SLC4A10: variants seen among roughly 807,000 people sequenced by gnomAD.
SLC4A10 encodes the protein solute carrier family 4 member 10.
A neutral mutation model predicts 137.7 loss-of-function variants in SLC4A10; 42 were observed. The ratio of observed to expected loss-of-function variants is 0.30; its 90% confidence interval spans 0.24 to 0.39. The LOEUF is 0.39. Ranked by LOEUF, SLC4A10 falls within the 10% of genes least tolerant of loss-of-function variation. The pLI is 1.00. For synonymous variants in SLC4A10, 474 were observed against 464.1 expected (o/e 1.02, Z -0.27); for missense variants, 925 against 1,355.0 (o/e 0.68, Z 4.98).
chr2:161,908,349 C>T (rs1684945920), intron 15 of SLC4A10, among the ~76,000 whole-genome samples: 1 of 147,280 alleles, frequency 6.8e-6, no homozygotes, highest in Non-Finnish European at 1.5e-5. Flanking sequence ...AAAAACCAAA[C>T]ACCGCATGTT....
chr2:161,800,757 G>C (rs2055292655), intron 2 of SLC4A10, among the ~76,000 whole-genome samples: 2 of 152,056 alleles, frequency 1.3e-5, no homozygotes, highest in Admixed American at 1.3e-4. Flanking sequence ...AGTATGTAGT[G>C]AGTAATGTCG....
chr2:161,827,822 C>T (rs2058122377), intron 3 of SLC4A10, among the ~76,000 whole-genome samples: 1 of 152,184 alleles, frequency 6.6e-6, no homozygotes, highest in African/African-American at 2.4e-5. Context: ...TTCTCGGCCT[C>T]CCAAAGTGCT....
chr2:161,702,794 A>G (rs1574452147), intron 1 of SLC4A10, among the ~76,000 whole-genome samples: 1 of 151,950 alleles, frequency 6.6e-6, no homozygotes, highest in East Asian at 1.9e-4. Flanking sequence ...TTGCCTTACA[A>G]TCCTAAGTAT....
intron 1 of SLC4A10, among the ~76,000 whole-genome samples, chr2:161,634,191 A>G (rs2105430675): frequency 6.6e-6 from 1 of 151,918 alleles, no homozygotes; most frequent in East Asian, 1.9e-4. Flanking sequence ...TCACTCTTGA[A>G]GTGTACAGGT....
chr2:161,730,927 C>G (rs1381323300), intron 1 of SLC4A10, among the ~76,000 whole-genome samples: 2 of 152,046 alleles, frequency 1.3e-5, no homozygotes, highest in Non-Finnish European at 2.9e-5. Context: ...GCAGGTTGAC[C>G]TATAGTATTT....
intron 1 of SLC4A10, among the ~76,000 whole-genome samples, chr2:161,677,262 G>A (rs1045866592): frequency 1.3e-5 from 2 of 152,086 alleles, no homozygotes; most frequent in Admixed American, 6.6e-5. Flanking sequence ...TCCACCACAA[G>A]TGAAAGCAGC....
intron 1 of SLC4A10, among the ~76,000 whole-genome samples, chr2:161,722,643 T>A (rs571374572): frequency 6.6e-6 from 1 of 152,182 alleles, no homozygotes; most frequent in African/African-American, 2.4e-5. Context: ...TCTCCCCAAG[T>A]CAAGAGGCAT....
At chr2:161,852,955 A>T (rs532000971) in intron 4 of SLC4A10, among the ~76,000 whole-genome samples, 1 of 152,304 alleles carries the variant, frequency 6.6e-6, no homozygotes, top group South Asian at 2.1e-4. Flanking sequence ...ATGTCTTTTT[A>T]TTCTCAACTA....
At chr2:161,785,952 GT>G (rs527763907) in intron 2 of SLC4A10, among the ~76,000 whole-genome samples, 288 of 152,068 alleles carry the variant, frequency 1.9e-3, no homozygotes, top group African/African-American at 6.5e-3. Flanking sequence ...CAAGAGTGCA[GT>G]TTAAGTTCAG....
At chr2:161,772,145 G>A (rs1413163567) in intron 2 of SLC4A10, among the ~76,000 whole-genome samples, 5 of 151,712 alleles carry the variant, frequency 3.3e-5, no homozygotes, top group Non-Finnish European at 5.9e-5. Flanking sequence ...CTTACTGGGG[G>A]GGCCTATTGA....
intron 15 of SLC4A10, among the ~76,000 whole-genome samples, chr2:161,918,347 G>A (rs950841360): frequency 1.3e-5 from 2 of 151,944 alleles, no homozygotes; most frequent in Non-Finnish European, 2.9e-5. Context: ...GTAGAGACAG[G>A]GTTTTACCAT....
rs566790096 is a variant in SLC4A10, at chr2:161,895,409, G to T, written c.1341+584G>T. Among the ~76,000 whole-genome samples, 22 of 152,110 alleles carry T rather than the reference G, an allele frequency of 1.4e-4. No homozygotes were observed. The East Asian group carries it at 4.3e-3, about 30-fold the overall frequency. The stretch of plus-strand genomic sequence containing the variant: ...TGTCTTTATGGCAGCATGATTTATA[G>T]TCCTTTGGGTATATACCCAGTAATG... On this transcript the variant is annotated intron_variant, in intron 11 of 26. Coordinates refer to ENST00000446997, the MANE Select transcript of SLC4A10 (RefSeq NM_001178015.2).
chr2:161,955,762 A>C (rs1180703288), intron 19 of SLC4A10, among the ~76,000 whole-genome samples: 3 of 152,200 alleles, frequency 2.0e-5, no homozygotes, highest in Non-Finnish European at 4.4e-5. Flanking sequence ...AAGAGCTCTC[A>C]TACTGACTAC....
At chr2:161,882,327 T>C in intron 9 of SLC4A10, 30 bp from the exon 10 acceptor site, 1 of 1,375,572 alleles carries the variant, frequency 7.3e-7, no homozygotes, top group Non-Finnish European at 9.9e-7. Context: ...TATTTCTACC[T>C]TAAAACATTT....
rs1192014284 is a variant in SLC4A10, at chr2:161,947,625, T to C, written c.2163T>C (p.Tyr721=). ...GGGCCTGTGGCCATGATCACCCATA[T>C]GTTCCAGATGTTCTATTTTGGTCTG... The part of the protein sequence containing the change: ...VGRACGHDHP[Y]VPDVLFWSVI... The change falls in exon 17 of 27, where the codon TAT becomes TAC. Residue 721 remains tyrosine, a synonymous_variant. Coordinates refer to ENST00000446997, the MANE Select transcript of SLC4A10 (RefSeq NM_001178015.2). The C allele has an allele frequency of 6.2e-7, 1 of 1,613,312 alleles. No individual in the cohort carries two copies. The highest frequency in any genetic ancestry group is 2.2e-5 in the East Asian group (1 of 44,868).
rs564353454 is a variant in SLC4A10, at chr2:161,657,324, C to G, written c.48+32758C>G. ...CATGTTAAAGTCATCTAGGATAAAG[C>G]CTGGCACATAAAAATAGATCAAAAA... On this transcript the variant is annotated intron_variant, in intron 1 of 26. Transcript: ENST00000446997. Among the ~76,000 whole-genome samples, 534 of 151,890 alleles carry G rather than the reference C, an allele frequency of 3.5e-3. 3 individuals carry two copies. The highest frequency in any genetic ancestry group is 0.012 in the African/African-American group (504 of 41,454).
chr2:161,962,086 C>T (rs964864116), intron 21 of SLC4A10, among the ~76,000 whole-genome samples: 3 of 152,120 alleles, frequency 2.0e-5, no homozygotes, highest in African/African-American at 7.2e-5. Context: ...TAAACATATG[C>T]TAAATATAAT....
chr2:161,799,029 A>C (rs1323805705), intron 2 of SLC4A10, among the ~76,000 whole-genome samples: 5 of 151,406 alleles, frequency 3.3e-5, no homozygotes, highest in African/African-American at 9.7e-5. Context: ...TGCTTATCTC[A>C]AAAAATCTTT....
intron 1 of SLC4A10, among the ~76,000 whole-genome samples, chr2:161,640,041 T>G (rs1444272511): frequency 6.6e-6 from 1 of 152,184 alleles, no homozygotes; most frequent in Non-Finnish European, 1.5e-5. Context: ...GGTGACTATT[T>G]CTCTTATTCT....
Sources: gnomAD v4.1 joint callset for allele counts (sites outside exome capture counted in the v4.1 genomes callset) on GRCh38, gnomAD v4.1.1 for gene constraint, MANE v1.5 for transcripts, NCBI Gene and HGNC (gene_info 2026-07-23, HGNC 2026-07-21) for gene names.